Variants in ARHGAP24 observed in about 807,000 individuals in gnomAD.
ARHGAP24 encodes rho GTPase-activating protein 24.
ARHGAP24 carries 50 observed loss-of-function variants against 76.4 expected under a neutral mutation model. The ratio of observed to expected loss-of-function variants is 0.65; its 90% CI spans 0.52 to 0.83. ARHGAP24 has a LOEUF of 0.83. ARHGAP24 is among the 40% of genes least tolerant of loss of function. ARHGAP24 has a pLI of 0.00. For missense variants in ARHGAP24, 930 were observed against 914.2 expected, an observed-to-expected ratio of 1.02 and a Z score of -0.22; for synonymous variants, 345 against 323.3, an observed-to-expected ratio of 1.07 and a Z score of -0.72.
intron 7 of ARHGAP24, among the ~76,000 whole-genome samples, chr4:85,975,256 A>C (rs774772447): frequency 1.1e-4 from 17 of 152,222 alleles, no homozygotes; most frequent in Non-Finnish European, 2.5e-4. Flanking sequence ...TAGGAAAAGA[A>C]GCATGCCACC....
Position 86,000,461 on chromosome 4 carries a change from C to A in ARHGAP24, c.2004-18C>A. On this transcript the variant is annotated intron_variant, in intron 9 of 9. Coordinates refer to ENST00000395184, the MANE Select transcript of ARHGAP24 (RefSeq NM_001025616.3). ...CTCTTGCGTCCCCACCCCCCACCCC[C>A]CCCAACATCCTTTGTAGCTTAGAAC... 1.2e-6 allele frequency: 1 copy of A among 861,120 alleles called. No homozygotes were observed. The highest frequency in any genetic ancestry group is 1.7e-6 in the Non-Finnish European group (1 of 571,592). 53.3% of individuals were successfully genotyped at this position (861,120 alleles called of 1,614,324 possible).
chr4:85,846,192 A>T (rs76717632), intron 3 of ARHGAP24, among the ~76,000 whole-genome samples: 5,652 of 152,274 alleles, frequency 0.037, 367 homozygotes, highest in African/African-American at 0.13. Flanking sequence ...GGAGTGATCC[A>T]CAGTGCCTAG....
intron 5 of ARHGAP24, among the ~76,000 whole-genome samples, chr4:85,965,232 G>A (rs1738513313): frequency 6.6e-6 from 1 of 152,078 alleles, no homozygotes; most frequent in African/African-American, 2.4e-5. Flanking sequence ...GATGGCAGCA[G>A]GCAAAGAGAG....
chr4:85,964,644 T>A (rs1738465998), intron 5 of ARHGAP24, among the ~76,000 whole-genome samples: 1 of 152,082 alleles, frequency 6.6e-6, no homozygotes, highest in Non-Finnish European at 1.5e-5. Context: ...GACTTACTCA[T>A]GGGAAATATT....
chr4:85,554,254 C>T (rs1182675782), intron 1 of ARHGAP24, among the ~76,000 whole-genome samples: 2 of 152,056 alleles, frequency 1.3e-5, no homozygotes, highest in Non-Finnish European at 2.9e-5. Flanking sequence ...TTCATTTTGA[C>T]CTGGGAGACT....
At chr4:85,693,201 G>T (rs1053420535) in intron 2 of ARHGAP24, among the ~76,000 whole-genome samples, 3 of 152,194 alleles carry the variant, frequency 2.0e-5, no homozygotes, top group African/African-American at 7.2e-5. Context: ...GTGCTCTGCA[G>T]TGCTGGGAGT....
At chr4:85,664,882 T>C (rs927372964) in intron 2 of ARHGAP24, among the ~76,000 whole-genome samples, 1 of 152,208 alleles carries the variant, frequency 6.6e-6, no homozygotes, top group African/African-American at 2.4e-5. Context: ...GAGAGACAGT[T>C]TGTTATAATT....
intron 3 of ARHGAP24, among the ~76,000 whole-genome samples, chr4:85,910,267 C>T (rs1265842559): frequency 6.6e-6 from 1 of 152,160 alleles, no homozygotes; most frequent in African/African-American, 2.4e-5. Flanking sequence ...AGTCTGAGCT[C>T]CCTGAGGGAC....
intron 3 of ARHGAP24, among the ~76,000 whole-genome samples, chr4:85,766,648 A>T (rs937079000): frequency 6.6e-6 from 1 of 152,126 alleles, no homozygotes; most frequent in Non-Finnish European, 1.5e-5. Context: ...AACAGCATGT[A>T]AAAAAACAGA....
chr4:85,525,629 T>C (rs1056411013), intron 1 of ARHGAP24, among the ~76,000 whole-genome samples: 7 of 152,182 alleles, frequency 4.6e-5, no homozygotes, highest in African/African-American at 1.4e-4. Context: ...TCATCTACTG[T>C]ACTAGATCTC....
intron 2 of ARHGAP24, among the ~76,000 whole-genome samples, chr4:85,660,640 G>A (rs148609135): frequency 0.029 from 4,432 of 151,714 alleles, 201 homozygotes; most frequent in African/African-American, 0.1. Context: ...TACTAAAAAT[G>A]CAGAAATTAG....
At chr4:85,678,179 G>A (rs941646300) in intron 2 of ARHGAP24, among the ~76,000 whole-genome samples, 6 of 152,044 alleles carry the variant, frequency 3.9e-5, no homozygotes, top group Admixed American at 2.0e-4. Flanking sequence ...GACTACTCTG[G>A]GCACCATAGT....
chr4:85,890,137 A>C (rs533032830), intron 3 of ARHGAP24, among the ~76,000 whole-genome samples: 1 of 152,324 alleles, frequency 6.6e-6, no homozygotes, highest in South Asian at 2.1e-4. Flanking sequence ...TGTTGAGGAC[A>C]ATCAGCGCCT....
At chr4:85,789,893 T>C (rs1311490805) in intron 3 of ARHGAP24, among the ~76,000 whole-genome samples, 1 of 152,232 alleles carries the variant, frequency 6.6e-6, no homozygotes, top group East Asian at 1.9e-4. Context: ...TCTCCTTGCT[T>C]TAAGATCTAA....
At chr4:85,982,692 A>G (rs1215034545) in intron 8 of ARHGAP24, among the ~76,000 whole-genome samples, 1 of 152,218 alleles carries the variant, frequency 6.6e-6, no homozygotes, top group Non-Finnish European at 1.5e-5. Context: ...TTGTGTCTCT[A>G]GAGAAAATAC....
intron 2 of ARHGAP24, among the ~76,000 whole-genome samples, chr4:85,658,973 G>A (rs932486761): frequency 1.3e-5 from 2 of 152,198 alleles, no homozygotes; most frequent in Non-Finnish European, 2.9e-5. Flanking sequence ...TATGTGGGAT[G>A]TGACAGAGAG....
At chr4:85,536,271 G>A (rs1037528582) in intron 1 of ARHGAP24, among the ~76,000 whole-genome samples, 1 of 152,068 alleles carries the variant, frequency 6.6e-6, no homozygotes, top group Non-Finnish European at 1.5e-5. Context: ...GAAGAATGTG[G>A]TGCTATGAAC....
At chr4:85,692,321 T>C (rs1723694505) in intron 2 of ARHGAP24, among the ~76,000 whole-genome samples, 1 of 152,208 alleles carries the variant, frequency 6.6e-6, no homozygotes, top group African/African-American at 2.4e-5. Context: ...AATGGTCATC[T>C]TATATAGTAT....
intron 5 of ARHGAP24, among the ~76,000 whole-genome samples, chr4:85,944,207 C>T (rs1467899234): frequency 6.6e-6 from 1 of 152,154 alleles, no homozygotes; most frequent in Non-Finnish European, 1.5e-5. Context: ...TCTCTAATGA[C>T]CAGTGAGGAT....
Sources: allele counts gnomAD v4.1 joint callset (sites outside exome capture counted in the v4.1 genomes callset), GRCh38; gene constraint gnomAD v4.1.1; transcripts MANE v1.5; gene names NCBI Gene and HGNC (gene_info 2026-07-23, HGNC 2026-07-21).